Variants in CPED1 observed in about 807,000 individuals in gnomAD.
The protein encoded by CPED1 is cadherin like and PC-esterase domain containing 1, also known as cadherin-like and PC-esterase domain-containing protein 1.
CPED1 carries 114 observed loss-of-function variants against 128.2 expected under a neutral mutation model. That is an observed-to-expected ratio of 0.89 (90% CI 0.76 to 1.04). CPED1 has a LOEUF of 1.04. Ranked by LOEUF, CPED1 falls within the 50% of genes least tolerant of loss-of-function variation. The pLI is 0.00. For synonymous variants in CPED1, 462 were observed against 426.7 expected (o/e 1.08, Z -1.02); for missense variants, 1,211 against 1,207.1 (o/e 1.00, Z -0.05).
At chr7:121,206,204 A>G (rs372754536) in intron 16 of CPED1, among the ~76,000 whole-genome samples, 3 of 152,190 alleles carry the variant, frequency 2.0e-5, no homozygotes, top group East Asian at 3.9e-4. Flanking sequence ...GATGCTAATG[A>G]AGACAAAATA....
At chr7:121,143,069 A>G (rs1795943584) in intron 16 of CPED1, among the ~76,000 whole-genome samples, 1 of 152,008 alleles carries the variant, frequency 6.6e-6, no homozygotes, top group Admixed American at 6.6e-5. Context: ...TAAAAATCTC[A>G]GGGATTGGTA....
Position 121,295,641 on chromosome 7 carries a change from AG to A in CPED1, c.3072del (p.Thr1025LeufsTer17). 6.2e-7 allele frequency: 1 copy of A among 1,613,600 alleles called. No individual in the cohort carries two copies. The highest frequency in any genetic ancestry group is 8.5e-7 in the Non-Finnish European group (1 of 1,179,594). On this transcript the variant is annotated frameshift_variant, in exon 23 of 23. Transcript: ENST00000310396. LOFTEE classifies it high-confidence loss of function. ...ILLSRMCANKRTM is the reference protein window; with the variant it reads ...ILLSRMCANKXTM Reference sequence around the variant, plus strand: ...TCTCAGCAGGATGTGTGCAAATAAAAGGACTATGTAGGCTCCCTGCAGGAGA... The same window carrying A: ...TCTCAGCAGGATGTGTGCAAATAAAAGACTATGTAGGCTCCCTGCAGGAGA...
intron 16 of CPED1, among the ~76,000 whole-genome samples, chr7:121,219,958 T>C (rs911141558): frequency 6.6e-6 from 1 of 152,042 alleles, no homozygotes; most frequent in African/African-American, 2.4e-5. Context: ...TGTAAGGCGA[T>C]TACTTAGGTA....
intron 18 of CPED1, among the ~76,000 whole-genome samples, chr7:121,252,038 G>C (rs528471897): frequency 2.6e-5 from 4 of 151,496 alleles, no homozygotes; most frequent in Non-Finnish European, 4.4e-5. Flanking sequence ...AAAGCTGGAG[G>C]CATCACGCTA....
intron 16 of CPED1, among the ~76,000 whole-genome samples, chr7:121,181,140 G>A (rs1313249729): frequency 6.6e-6 from 1 of 152,072 alleles, no homozygotes; most frequent in Non-Finnish European, 1.5e-5. Context: ...TTTTGTGTGA[G>A]AGATGATCAT....
intron 14 of CPED1, among the ~76,000 whole-genome samples, chr7:121,139,182 C>G (rs977834719): frequency 1.3e-5 from 2 of 151,882 alleles, no homozygotes; most frequent in African/African-American, 4.8e-5. Flanking sequence ...ACCATTAGGT[C>G]AAATTACAAG....
In CPED1 at chr7:121,112,092, C is replaced by T. The variant is rs187689648; in HGVS notation, c.918+11998C>T. Among the ~76,000 whole-genome samples the T allele has an allele frequency of 2.6e-3, 400 of 152,160 alleles. 5 individuals carry two copies. Among genetic ancestry groups the T allele is most frequent in the African/African-American group, 9.4e-3 (390 of 41,516 alleles). ...TCGTCTTGTAGTCCACCTGATGTTC[C>T]GCTACACAGTGGCAGTTTCAGGATT... On this transcript the variant is annotated intron_variant, in intron 7 of 22. Transcript: ENST00000310396.
intron 16 of CPED1, among the ~76,000 whole-genome samples, chr7:121,162,173 T>C (rs1796425335): frequency 6.6e-6 from 1 of 152,206 alleles, no homozygotes; most frequent in South Asian, 2.1e-4. Flanking sequence ...GTGTAGGCAA[T>C]AGGAACTGGT....
chr7:121,088,803 A>G (rs1236468024), intron 5 of CPED1, among the ~76,000 whole-genome samples: 1 of 149,492 alleles, frequency 6.7e-6, no homozygotes, highest in Non-Finnish European at 1.5e-5. Context: ...TTGAAAGTGT[A>G]ATAATCTCAT....
At chr7:121,089,060 A>G (rs761380581) in intron 5 of CPED1, among the ~76,000 whole-genome samples, 109 of 152,292 alleles carry the variant, frequency 7.2e-4, no homozygotes, top group South Asian at 1.7e-3. Flanking sequence ...CTCTTGTGTT[A>G]TATGTCACTC....
chr7:121,136,946 C>G (rs1285949451), intron 14 of CPED1, among the ~76,000 whole-genome samples: 3 of 151,722 alleles, frequency 2.0e-5, no homozygotes, highest in Non-Finnish European at 4.4e-5. Context: ...TCTTAATATT[C>G]TATAATATAG....
chr7:121,036,972 CT>C (rs1213064873), intron 3 of CPED1, among the ~76,000 whole-genome samples: 4 of 152,060 alleles, frequency 2.6e-5, no homozygotes, highest in African/African-American at 9.7e-5. Flanking sequence ...CTTTGGCCCA[CT>C]TTTTGATGGG....
At chr7:121,161,129 C>A (rs181738017) in intron 16 of CPED1, among the ~76,000 whole-genome samples, 10 of 152,222 alleles carry the variant, frequency 6.6e-5, no homozygotes, top group African/African-American at 1.9e-4. Context: ...AAACAACATC[C>A]ATTCAGTAGG....
intron 3 of CPED1, among the ~76,000 whole-genome samples, chr7:121,029,684 T>G (rs542302431): frequency 6.6e-6 from 1 of 152,314 alleles, no homozygotes; most frequent in Admixed American, 6.5e-5. Flanking sequence ...ATTTATTTTG[T>G]GTGGTACCTG....
chr7:121,046,826 A>C (rs1471795204), intron 3 of CPED1, 61 bp from the exon 4 acceptor site: 3 of 1,088,382 alleles, frequency 2.8e-6, no homozygotes, highest in East Asian at 5.0e-5. Context: ...TGAAGAATTA[A>C]ATATTGCTTT....
At position 120,989,655 on chromosome 7, in the gene CPED1, C is replaced by G. The variant is rs772674831; in HGVS notation, c.34C>G (p.Arg12Gly). Residue 12 changes from arginine to glycine, a missense_variant, in exon 2 of 23, where the codon CGA becomes GGA. Physicochemically the swap from Arg to Gly is moderately radical, Grantham distance 125. Transcript: ENST00000310396. ...TCGCCCAGTGTTCCCTTGTCGTCGG[C>G]GATTTTGCCCCCGACCCTTCTTGGT... ...VCRPVFPCRR[R>G]FCPRPFLVGL... 1.2e-6 allele frequency: 2 copies of G among 1,613,812 alleles called. No individual in the cohort carries two copies. Among genetic ancestry groups the G allele is most frequent in the Non-Finnish European group, 1.7e-6 (2 of 1,179,988 alleles).
intron 4 of CPED1, chr7:121,051,763 GTA>G (rs1383571314): frequency 1.5e-5 from 3 of 204,396 alleles, no homozygotes; most frequent in African/African-American, 7.2e-5. Context: ...AATATGTAGT[GTA>G]TATGCTATTC....
At chr7:120,993,214 A>G (rs887870452) in intron 2 of CPED1, among the ~76,000 whole-genome samples, 1 of 152,208 alleles carries the variant, frequency 6.6e-6, no homozygotes, top group Non-Finnish European at 1.5e-5. Context: ...ATTTTATAGC[A>G]TCTAACAGTT....
chr7:121,127,246 G>T lies in CPED1; in HGVS notation c.1291G>T (p.Asp431Tyr). The change falls in exon 10 of 23, where the codon GAT (aspartate) becomes TAT (tyrosine). Residue 431 changes from aspartate (D) to tyrosine (Y), a missense_variant. Transcript: ENST00000310396. ...SEIFQRLYRSDVFKGENYQKE... is the reference protein window; with the variant it reads ...SEIFQRLYRSYVFKGENYQKE... ...GATATTTCAGAGACTTTATAGATCA[G>T]ATGTTTTCAAGGTAAGTGCATATTT... 6.3e-7 allele frequency: 1 copy of T among 1,575,386 alleles called. No homozygotes were observed. Among genetic ancestry groups the T allele is most frequent in the South Asian group, 1.1e-5 (1 of 88,614 alleles).
Sources: gnomAD v4.1 joint callset for allele counts (sites outside exome capture counted in the v4.1 genomes callset) on GRCh38, gnomAD v4.1.1 for gene constraint, MANE v1.5 for transcripts, NCBI Gene and HGNC (gene_info 2026-07-23, HGNC 2026-07-21) for gene names.